Variants in IPMK observed in about 807,000 individuals in gnomAD.
IPMK encodes inositol 1,3,4,6-tetrakisphosphate 5-kinase.
In IPMK, 17 loss-of-function variants were observed where a neutral mutation model predicts 45.8. The ratio of observed to expected loss-of-function variants is 0.37; its 90% CI spans 0.25 to 0.56. The LOEUF is 0.56. Ranked by LOEUF, IPMK falls within the 20% of genes least tolerant of loss-of-function variation. The probability of loss-of-function intolerance (pLI) is 0.79; values close to 1 mark genes in which losing one functional copy is unlikely to be tolerated. For missense variants in IPMK, 399 were observed against 498.0 expected (o/e 0.80, Z 1.89); for synonymous variants, 180 against 184.3 (o/e 0.98, Z 0.19).
At chr10:58,227,363 C>A (rs889795815) in intron 2 of IPMK, among the ~76,000 whole-genome samples, 5 of 152,186 alleles carry the variant, frequency 3.3e-5, no homozygotes, top group Non-Finnish European at 7.3e-5. Flanking sequence ...TACTATCGAA[C>A]TATTTTACAA....
intron 4 of IPMK, among the ~76,000 whole-genome samples, chr10:58,208,788 T>C (rs1838110445): frequency 6.6e-6 from 1 of 152,198 alleles, no homozygotes; most frequent in Non-Finnish European, 1.5e-5. Context: ...AAGTTGATGA[T>C]TCCGGCTTCA....
At chr10:58,256,951 G>C (rs1009534001) in intron 1 of IPMK, among the ~76,000 whole-genome samples, 3 of 152,148 alleles carry the variant, frequency 2.0e-5, no homozygotes, top group East Asian at 3.9e-4. Flanking sequence ...TATGGTCTCA[G>C]CTACTTAAGG....
chr10:58,200,118 C>CT (rs1045879935), intron 4 of IPMK, among the ~76,000 whole-genome samples: 2 of 151,966 alleles, frequency 1.3e-5, no homozygotes, highest in East Asian at 1.9e-4. Flanking sequence ...AAAATACCAA[C>CT]TTTTTTTTGG....
intron 2 of IPMK, 71 bp from the exon 3 acceptor site, chr10:58,227,210 A>C: frequency 8.9e-7 from 1 of 1,129,852 alleles, no homozygotes; most frequent in Non-Finnish European, 1.3e-6. Context: ...TTTCTCAAAT[A>C]AAATTTATGT....
intron 1 of IPMK, among the ~76,000 whole-genome samples, chr10:58,265,587 G>C: frequency 6.6e-6 from 1 of 152,106 alleles, no homozygotes; most frequent in East Asian, 1.9e-4. Flanking sequence ...ACAAATATTA[G>C]GTTGCTAGCA....
At chr10:58,248,234 A>C (rs1179714231) in intron 1 of IPMK, among the ~76,000 whole-genome samples, 2 of 152,136 alleles carry the variant, frequency 1.3e-5, no homozygotes, top group African/African-American at 4.8e-5. Context: ...ATTTAAAAAA[A>C]AAAGTCCCAG....
intron 1 of IPMK, among the ~76,000 whole-genome samples, chr10:58,256,237 G>C (rs1198690176): frequency 6.6e-6 from 1 of 152,166 alleles, no homozygotes; most frequent in African/African-American, 2.4e-5. Flanking sequence ...AAATAGCACT[G>C]AATTCTTTTC....
chr10:58,246,931 C>G (rs1437461122), intron 1 of IPMK, among the ~76,000 whole-genome samples: 1 of 150,880 alleles, frequency 6.6e-6, no homozygotes, highest in Non-Finnish European at 1.5e-5. Flanking sequence ...TATCCAGAAT[C>G]CACAATGAAC....
Position 58,267,694 on chromosome 10 carries a change from G to T in IPMK, c.-83C>A, listed in dbSNP as rs1839174594. On this transcript the variant is annotated 5_prime_UTR_variant, in exon 1 of 6. Transcript: ENST00000373935. ...GGGGGCGCCGGAGAACCCGAGGGTC[G>T]CTCAGGCTCGGGCGCGAGGAGGCCC... The T allele has an allele frequency of 1.5e-5, 13 of 871,462 alleles. No homozygotes were observed. The highest frequency in any genetic ancestry group is 2.4e-5 in the Non-Finnish European group (13 of 543,686). 54.0% of individuals were successfully genotyped at this position (871,462 alleles called of 1,614,324 possible).
intron 1 of IPMK, among the ~76,000 whole-genome samples, chr10:58,240,774 T>C (rs1038584666): frequency 6.6e-6 from 1 of 152,066 alleles, no homozygotes; most frequent in East Asian, 1.9e-4. Context: ...AACAAATAGC[T>C]AATGGCAAAG....
intron 2 of IPMK, among the ~76,000 whole-genome samples, chr10:58,229,929 C>T (rs1216851333): frequency 6.6e-6 from 1 of 152,176 alleles, no homozygotes; most frequent in East Asian, 1.9e-4. Context: ...TGACAGACTA[C>T]CTGGAAAAAC....
chr10:58,228,513 C>T (rs1399134384), intron 2 of IPMK, among the ~76,000 whole-genome samples: 2 of 152,146 alleles, frequency 1.3e-5, no homozygotes, highest in African/African-American at 2.4e-5. Context: ...GCAAGATAAC[C>T]TAAAAACCTT....
intron 2 of IPMK, among the ~76,000 whole-genome samples, chr10:58,227,535 C>A (rs1053211019): frequency 6.6e-6 from 1 of 152,174 alleles, no homozygotes; most frequent in Admixed American, 6.5e-5. Context: ...TTCCATTATT[C>A]CAGATAAATG....
At position 58,195,069 on chromosome 10, in the gene IPMK, C is replaced by T. The variant is rs1006858651; in HGVS notation, c.*1007G>A. Reference sequence around the variant, plus strand: ...TTACACACAGTATTTTTGATAACAACCTAATTAGATATTGTCTTTCATTGC... The same window carrying T: ...TTACACACAGTATTTTTGATAACAATCTAATTAGATATTGTCTTTCATTGC... On this transcript the variant is annotated 3_prime_UTR_variant, in exon 6 of 6. Transcript: ENST00000373935. 1 of 151,866 alleles carries T rather than the reference C, an allele frequency of 6.6e-6. No homozygotes were observed. The highest frequency in any genetic ancestry group is 2.4e-5 in the African/African-American group (1 of 41,402). 9.4% of individuals were successfully genotyped at this position (151,866 alleles called of 1,614,324 possible). A position where few individuals can be genotyped will look rare whatever the true frequency, so the allele number is the denominator to read the frequency against.
intron 1 of IPMK, among the ~76,000 whole-genome samples, chr10:58,247,368 C>T (rs1157291644): frequency 3.3e-5 from 5 of 151,320 alleles, no homozygotes; most frequent in Admixed American, 1.3e-4. Flanking sequence ...ATGTTTATCG[C>T]GGCATTATTC....
rs1837829939 is a variant in IPMK, at chr10:58,192,313, G to A, written c.*3763C>T. ...AAAGAAGATGCAGCTCATTTGCTTGGGAATATGTAATGGAATGTTTTTCAC... is the reference window on the plus strand; with the variant it reads ...AAAGAAGATGCAGCTCATTTGCTTGAGAATATGTAATGGAATGTTTTTCAC... On this transcript the variant is annotated 3_prime_UTR_variant, in exon 6 of 6. Transcript: ENST00000373935. 1 of 151,784 alleles carries A rather than the reference G, an allele frequency of 6.6e-6. No homozygotes were observed. The highest frequency in any genetic ancestry group is 6.6e-5 in the Admixed American group (1 of 15,228). The allele number at this position is 151,784 out of a possible 1,614,324, so 9.4% of individuals were successfully genotyped here.
chr10:58,232,135 T>A (rs924761450), intron 2 of IPMK, among the ~76,000 whole-genome samples: 12 of 152,240 alleles, frequency 7.9e-5, no homozygotes, highest in African/African-American at 2.9e-4. Context: ...GAGTTAACTA[T>A]CCTAAATATA....
intron 1 of IPMK, among the ~76,000 whole-genome samples, chr10:58,257,658 G>C (rs1838992618): frequency 6.6e-6 from 1 of 152,060 alleles, no homozygotes; most frequent in South Asian, 2.1e-4. Flanking sequence ...ATCCGAAACA[G>C]ACTGAAAAAT....
intron 1 of IPMK, among the ~76,000 whole-genome samples, chr10:58,238,992 A>G (rs1023466926): frequency 1.3e-5 from 2 of 152,148 alleles, no homozygotes; most frequent in African/African-American, 2.4e-5. Context: ...AACATTTAAA[A>G]AAGAAAATTA....
Sources: gnomAD v4.1 joint callset for allele counts (sites outside exome capture counted in the v4.1 genomes callset) on GRCh38, gnomAD v4.1.1 for gene constraint, MANE v1.5 for transcripts, NCBI Gene and HGNC (gene_info 2026-07-23, HGNC 2026-07-21) for gene names.